POC5: variants seen among roughly 807,000 people sequenced by gnomAD.
POC5 encodes the protein centrosomal protein POC5.
Under a neutral mutation model 62.9 loss-of-function variants are expected in POC5, and 48 were observed. That is an observed-to-expected ratio of 0.76 (90% CI 0.61 to 0.97). The LOEUF (loss-of-function observed/expected upper bound fraction) is 0.97, where lower values mean the gene tolerates loss of function less well. POC5 is among the 50% of genes least tolerant of loss of function. The pLI, the probability that POC5 is intolerant of heterozygous loss-of-function variation, is 0.00. For missense variants in POC5, 696 were observed against 679.5 expected (o/e 1.02, Z -0.27); for synonymous variants, 236 against 228.2 (o/e 1.03, Z -0.31).
rs1362772358 is a variant in POC5, at chr5:75,685,157, G to A, written c.1407+50C>T. 4 of 1,537,428 alleles carry A rather than the reference G, an allele frequency of 2.6e-6. No homozygotes were observed. The South Asian group carries it at 3.6e-5, about 14-fold the overall frequency. Reference sequence around the variant, plus strand: ...GCTGGGATTACAGGTGTGAGCCACTGGGCCTGGCCGCCCTTTTCATAAGGT... The same window carrying A: ...GCTGGGATTACAGGTGTGAGCCACTAGGCCTGGCCGCCCTTTTCATAAGGT... On this transcript the variant is annotated intron_variant, in intron 10 of 11. Coordinates refer to ENST00000428202, the MANE Select transcript of POC5 (RefSeq NM_001099271.2).
At position 75,685,333 on chromosome 5, in the gene POC5, G is replaced by A. The variant is rs1183173419; in HGVS notation, c.1281C>T (p.Ala427=). ...LPSPPAAVGG[A]SATAVPSAAS... Reference sequence around the variant, plus strand: ...CAGCTGAGGGAACGGCAGTCGCGCTGGCTCCTCCGACGGCGGCTGGTGGGG... The same window carrying A: ...CAGCTGAGGGAACGGCAGTCGCGCTAGCTCCTCCGACGGCGGCTGGTGGGG... The change falls in exon 10 of 12, where the codon GCC becomes GCT. Residue 427 remains alanine (A), a synonymous_variant. Transcript: ENST00000428202. 6.2e-7 allele frequency: 1 copy of A among 1,614,036 alleles called. No individual in the cohort carries two copies. Among genetic ancestry groups the A allele is most frequent in the African/African-American group, 1.3e-5 (1 of 75,050 alleles).
At chr5:75,684,870 CTT>C (rs369470317) in intron 10 of POC5, among the ~76,000 whole-genome samples, 23,125 of 136,020 alleles carry the variant, frequency 0.17, 1,898 homozygotes, top group Non-Finnish European at 0.21. Context: ...TACAAACAAG[CTT>C]TTTTTTTTTT....
At chr5:75,681,633 A>T (rs2640646) in intron 10 of POC5, among the ~76,000 whole-genome samples, 105,496 of 148,896 alleles carry the variant, frequency 0.71, 37,379 homozygotes, top group East Asian at 0.87. Flanking sequence ...TAATTTTTTA[A>T]AATAATAATA....
At chr5:75,698,604 A>G (rs576634967) in intron 5 of POC5, among the ~76,000 whole-genome samples, 1 of 152,314 alleles carries the variant, frequency 6.6e-6, no homozygotes, top group South Asian at 2.1e-4. Flanking sequence ...AAATGCCCAC[A>G]AGAGAAAGGA....
chr5:75,694,237 T>G (rs1162929839), intron 6 of POC5, among the ~76,000 whole-genome samples: 2 of 152,166 alleles, frequency 1.3e-5, no homozygotes, highest in Non-Finnish European at 2.9e-5. Context: ...CCTAAAAGGA[T>G]GGTTTAAAAT....
intron 5 of POC5, 76 bp downstream of exon 5, chr5:75,702,525 AAAAC>A (rs1776930792): frequency 7.3e-7 from 1 of 1,372,518 alleles, no homozygotes; most frequent in Non-Finnish European, 9.8e-7. Context: ...TTAACTCAAA[AAAAC>A]AAAACAGTAT....
rs1436039654 is a variant in POC5, at chr5:75,713,051, T to C, written c.-14-100A>G. The C allele has an allele frequency of 5.0e-6, 4 of 794,282 alleles. No homozygotes were observed. The African/African-American group carries it at 5.2e-5, about 10-fold the overall frequency. The allele number at this position is 794,282 out of a possible 1,614,324, so 49.2% of individuals were successfully genotyped here. ...GCAACAGTATCCAAATCTGCAATCTTCCTGTGATATGCTAAAATCATTCAT... is the reference window on the plus strand; with the variant it reads ...GCAACAGTATCCAAATCTGCAATCTCCCTGTGATATGCTAAAATCATTCAT... On this transcript the variant is annotated intron_variant, in intron 1 of 11. Coordinates refer to ENST00000428202, the MANE Select transcript of POC5 (RefSeq NM_001099271.2).
Position 75,694,776 on chromosome 5 carries a change from C to A in POC5, c.569G>T (p.Arg190Leu). The A allele has an allele frequency of 1.3e-6, 2 of 1,579,520 alleles. No individual in the cohort carries two copies. The highest frequency in any genetic ancestry group is 8.7e-7 in the Non-Finnish European group (1 of 1,151,334). Reference sequence around the variant, plus strand: ...TTCTTTCTCTTTTCTCATTTCCATTCGGTGCCAGTCAATAAAATTAAGTCT... The same window carrying A: ...TTCTTTCTCTTTTCTCATTTCCATTAGGTGCCAGTCAATAAAATTAAGTCT... ...KWRLNFIDWH[R>L]MEMRKEKEKH... Residue 190 changes from arginine (R) to leucine (L), a missense_variant, in exon 6 of 12, where the codon CGA becomes CTA. Coordinates refer to ENST00000428202, the MANE Select transcript of POC5 (RefSeq NM_001099271.2).
At chr5:75,712,504 G>C in intron 2 of POC5, 2 of 1,477,016 alleles carry the variant, frequency 1.4e-6, no homozygotes, top group Non-Finnish European at 1.9e-6. Context: ...TGGATGGTTT[G>C]ATATTGTATT....
intron 9 of POC5, among the ~76,000 whole-genome samples, chr5:75,686,288 T>C (rs945858445): frequency 6.6e-6 from 1 of 152,210 alleles, no homozygotes; most frequent in Non-Finnish European, 1.5e-5. Context: ...TATCAAACAG[T>C]GTGGTGAGGG....
Position 75,685,413 on chromosome 5 carries a change from A to C in POC5, c.1201T>G (p.Leu401Val). Reference protein sequence around the residue: ...GVQGKEHSAHLDPSAPPMPLP... With the variant: ...GVQGKEHSAHVDPSAPPMPLP... ...GGCATCGGAGGAGCTGAAGGATCCA[A>C]ATGAGCAGAATGTTCTTTTCCTTGA... The change falls in exon 10 of 12, where the codon TTG becomes GTG. Residue 401 changes from leucine (L) to valine (V), a missense_variant. Coordinates refer to ENST00000428202, the MANE Select transcript of POC5 (RefSeq NM_001099271.2). 6.2e-7 allele frequency: 1 copy of C among 1,613,852 alleles called. No individual in the cohort carries two copies. The highest frequency in any genetic ancestry group is 2.2e-5 in the East Asian group (1 of 44,864).
chr5:75,686,854 T>C (rs1424730226), intron 9 of POC5, among the ~76,000 whole-genome samples: 1 of 152,190 alleles, frequency 6.6e-6, no homozygotes, highest in East Asian at 1.9e-4. Flanking sequence ...CTTTTTGTCA[T>C]GTTCTAACTT....
rs954101065 is a variant in POC5 at position 75,690,507 on chromosome 5, A to G, written c.851T>C (p.Val284Ala). The change falls in exon 8 of 12, where the codon GTC becomes GCC. Residue 284 changes from valine (V) to alanine (A), a missense_variant. Val to Ala is a moderately conservative substitution (Grantham distance 64). Transcript: ENST00000428202. Reference sequence around the variant, plus strand: ...CACTACGGAACGCCAGACTTTCCAGACTTTCTTCAGTAAAGTTCTCTGGTA... The same window carrying G: ...CACTACGGAACGCCAGACTTTCCAGGCTTTCTTCAGTAAAGTTCTCTGGTA... ...QYYQRTLLKK[V>A]WKVWRSVVQK... The G allele has an allele frequency of 6.9e-6, 11 of 1,604,670 alleles. 1 individual carries two copies. Among genetic ancestry groups the G allele is most frequent in the East Asian group, 4.5e-5 (2 of 44,788 alleles).
intron 5 of POC5, among the ~76,000 whole-genome samples, chr5:75,700,550 C>T (rs1162806034): frequency 4.0e-5 from 6 of 150,640 alleles, no homozygotes; most frequent in East Asian, 1.9e-4. Context: ...CTTCCTTACA[C>T]CTTATACAAA....
chr5:75,712,367 T>C, intron 2 of POC5: 9 of 1,586,544 alleles, frequency 5.7e-6, no homozygotes, highest in African/African-American at 4.0e-5. Flanking sequence ...CCCTCTGTAG[T>C]TAACTGACCC....
intron 9 of POC5, among the ~76,000 whole-genome samples, chr5:75,687,975 A>C (rs777977787): frequency 3.3e-5 from 5 of 152,208 alleles, no homozygotes; most frequent in Non-Finnish European, 5.9e-5. Context: ...TTACCAAAAT[A>C]AACTATTCAG....
At chr5:75,678,609 CT>C (rs67570751) in intron 10 of POC5, among the ~76,000 whole-genome samples, 2 of 151,668 alleles carry the variant, frequency 1.3e-5, no homozygotes, top group East Asian at 3.8e-4. Context: ...TATTAATATA[CT>C]TTTTTTTACG....
chr5:75,707,810 CTG>C lies in POC5; in HGVS notation c.148_149del (p.Gln50ValfsTer5). 6.3e-7 allele frequency: 1 copy of C among 1,584,046 alleles called. No individual in the cohort carries two copies. Among genetic ancestry groups the C allele is most frequent in the Non-Finnish European group, 8.6e-7 (1 of 1,161,350 alleles). On this transcript the variant is annotated frameshift_variant, in exon 3 of 12. Coordinates refer to ENST00000428202, the MANE Select transcript of POC5 (RefSeq NM_001099271.2). LOFTEE classifies it high-confidence loss of function. ...VTPNIEPCASQSSHPKGELVP... is the reference protein window; with the variant it reads ...VTPNIEPCASXSSHPKGELVP... The stretch of plus-strand genomic sequence containing the variant: ...CCAATTCTCCCTTAGGATGAGATGA[CTG>C]TGAAGCACAGGGTTCAATATTTGGA...
At chr5:75,703,892 A>G (rs889070519) in intron 4 of POC5, among the ~76,000 whole-genome samples, 72 of 152,218 alleles carry the variant, frequency 4.7e-4, no homozygotes, top group African/African-American at 1.7e-3. Context: ...ACGGTGGCTC[A>G]TGCCTGTAAT....
Sources: allele counts gnomAD v4.1 joint callset (sites outside exome capture counted in the v4.1 genomes callset), GRCh38; gene constraint gnomAD v4.1.1; transcripts MANE v1.5; gene names NCBI Gene and HGNC (gene_info 2026-07-23, HGNC 2026-07-21).